RAC1: variants seen among roughly 807,000 people sequenced by gnomAD.
RAC1 encodes the protein ras-related C3 botulinum toxin substrate 1.
A neutral mutation model predicts 25.2 loss-of-function variants in RAC1; 2 were observed. The observed-to-expected ratio is 0.08, with a 90% CI of 0.03 to 0.25. RAC1 has a LOEUF of 0.25. Ranked by LOEUF, RAC1 falls within the 10% of genes least tolerant of loss-of-function variation. The pLI is 1.00. For synonymous variants in RAC1, 88 were observed against 94.0 expected (o/e 0.94, Z 0.37); for missense variants, 50 against 235.7 (o/e 0.21, Z 5.16).
chr7:6,401,721 T>A (rs1003208524), intron 4 of RAC1, 147 bp from the exon 5 acceptor site: 1 of 706,748 alleles, frequency 1.4e-6, no homozygotes, highest in Non-Finnish European at 2.4e-6. Context: ...AAGGCTTGAA[T>A]TGAAGGTGGG....
rs1783459945 is a variant in RAC1 at position 6,402,916 on chromosome 7, C to T, written c.*470C>T. 5.2e-6 allele frequency: 1 copy of T among 192,124 alleles called. No individual in the cohort carries two copies. Among genetic ancestry groups the T allele is most frequent in the African/African-American group, 2.3e-5 (1 of 43,030 alleles). 11.9% of individuals were successfully genotyped at this position (192,124 alleles called of 1,614,324 possible). On this transcript the variant is annotated 3_prime_UTR_variant, in exon 6 of 6. Coordinates refer to ENST00000348035, the MANE Select transcript of RAC1 (RefSeq NM_006908.5). ...TCTCAGATGCGTAAAGCAGAACAGC[C>T]TCCCGAATGAAGCGTTGCCATTGAA... is the stretch of plus-strand genomic sequence containing the variant.
chr7:6,384,899 G>A (rs893921486), intron 1 of RAC1, among the ~76,000 whole-genome samples: 1 of 152,074 alleles, frequency 6.6e-6, no homozygotes, highest in Non-Finnish European at 1.5e-5. Context: ...CCTCCCTCCT[G>A]GGTTCAAGTG....
chr7:6,382,056 C>G (rs1236215697), intron 1 of RAC1, among the ~76,000 whole-genome samples: 1 of 151,976 alleles, frequency 6.6e-6, no homozygotes, highest in Non-Finnish European at 1.5e-5. Flanking sequence ...TGCAGTGATG[C>G]GATCTCAGCT....
intron 3 of RAC1, among the ~76,000 whole-genome samples, chr7:6,395,593 TG>T (rs1169807419): frequency 3.3e-5 from 5 of 152,296 alleles, no homozygotes; most frequent in Admixed American, 6.5e-5. Context: ...GATTATGAGT[TG>T]TTTTTTTTAA....
At chr7:6,390,564 C>G (rs1049603351) in intron 2 of RAC1, among the ~76,000 whole-genome samples, 2 of 151,494 alleles carry the variant, frequency 1.3e-5, no homozygotes, top group Admixed American at 1.3e-4. Flanking sequence ...CGCACCACTG[C>G]ACTCCAGCCT....
chr7:6,397,053 A>G (rs1783258696), intron 3 of RAC1, among the ~76,000 whole-genome samples: 1 of 139,696 alleles, frequency 7.2e-6, no homozygotes, highest in Non-Finnish European at 1.6e-5. Context: ...AAAAAAAAAA[A>G]AGAAAAGAAA....
intron 2 of RAC1, among the ~76,000 whole-genome samples, chr7:6,389,344 GT>G (rs751864163): frequency 2.0e-5 from 3 of 151,578 alleles, no homozygotes; most frequent in Non-Finnish European, 4.4e-5. Flanking sequence ...TTATCTAACC[GT>G]TTTCATTTCC....
At chr7:6,389,581 G>A (rs1262513651) in intron 2 of RAC1, among the ~76,000 whole-genome samples, 7 of 151,996 alleles carry the variant, frequency 4.6e-5, no homozygotes, top group African/African-American at 1.7e-4. Context: ...TCGGGAGGCT[G>A]AGGCAGGAGG....
chr7:6,403,819 C>A lies in RAC1; in HGVS notation c.*1373C>A. ...TGTTCTGTACAACTTAACTCACTGG[C>A]GAGAATACAGCGTGGGACCCTTCAG... On this transcript the variant is annotated 3_prime_UTR_variant, in exon 6 of 6. Transcript: ENST00000348035. The A allele has an allele frequency of 4.6e-6, 1 of 218,582 alleles. No individual in the cohort carries two copies. The highest frequency in any genetic ancestry group is 9.2e-6 in the Non-Finnish European group (1 of 108,590). The allele number at this position is 218,582 out of a possible 1,614,324, so 13.5% of individuals were successfully genotyped here.
chr7:6,377,071 T>G (rs1379326663), intron 1 of RAC1, among the ~76,000 whole-genome samples: 3 of 152,054 alleles, frequency 2.0e-5, no homozygotes, highest in Non-Finnish European at 4.4e-5. Context: ...ATGTTGGTTA[T>G]TAACTACCTC....
intron 2 of RAC1, among the ~76,000 whole-genome samples, chr7:6,388,339 T>TCC (rs2115194762): frequency 7.0e-6 from 1 of 143,670 alleles, no homozygotes; most frequent in African/African-American, 2.5e-5. Context: ...TTGTTGTTGT[T>TCC]GTTTTCCTTT....
chr7:6,374,704 C>T lies in RAC1; in HGVS notation c.-32C>T, dbSNP rs545036179. Reference sequence around the variant, plus strand: ...CGCCGCTTCCTATCTCAGCGCCCTGCCGCCGCCGCCGCGGCCCAGCGAGCG... The same window carrying T: ...CGCCGCTTCCTATCTCAGCGCCCTGTCGCCGCCGCCGCGGCCCAGCGAGCG... On this transcript the variant is annotated 5_prime_UTR_variant, in exon 1 of 6. Coordinates refer to ENST00000348035, the MANE Select transcript of RAC1 (RefSeq NM_006908.5). 133 of 1,051,558 alleles carry T rather than the reference C, an allele frequency of 1.3e-4. No homozygotes were observed. The African/African-American group carries it at 1.9e-3, about 15-fold the overall frequency. 65.1% of individuals were successfully genotyped at this position (1,051,558 alleles called of 1,614,324 possible).
rs554650063 is a variant in RAC1, at chr7:6,380,044, A to G, written c.35+5274A>G. Among the ~76,000 whole-genome samples, 15 of 152,360 alleles carry G rather than the reference A, an allele frequency of 9.8e-5. No homozygotes were observed. In the East Asian group the frequency reaches 1.5e-3, roughly 16 times the overall value. Reference sequence around the variant, plus strand: ...TTGGGCTAGTGGCCTGTCTAGCCCAATGTCTGACTTGGACATACATTACTG... The same window carrying G: ...TTGGGCTAGTGGCCTGTCTAGCCCAGTGTCTGACTTGGACATACATTACTG... On this transcript the variant is annotated intron_variant, in intron 1 of 5. Coordinates refer to ENST00000348035, the MANE Select transcript of RAC1 (RefSeq NM_006908.5).
chr7:6,375,300 G>A (rs1434012089), intron 1 of RAC1, among the ~76,000 whole-genome samples: 1 of 151,966 alleles, frequency 6.6e-6, no homozygotes, highest in South Asian at 2.1e-4. Context: ...GTGTTGCCCA[G>A]GCCGGTCTCG....
rs559170376 is a variant in RAC1, at chr7:6,383,020, A to G, written c.36-4192A>G. Among the ~76,000 whole-genome samples, 22 of 152,390 alleles carry G rather than the reference A, an allele frequency of 1.4e-4. No individual in the cohort carries two copies. In the South Asian group the frequency reaches 3.7e-3, roughly 26 times the overall value. On this transcript the variant is annotated intron_variant, in intron 1 of 5. Transcript: ENST00000348035. ...CATGAGCTAGGGGGAAATCCAATGT[A>G]GAAATGGCATGAACTTTCTTCCAGC... is the stretch of plus-strand genomic sequence containing the variant.
chr7:6,381,028 C>T (rs1035920808), intron 1 of RAC1, among the ~76,000 whole-genome samples: 18 of 152,054 alleles, frequency 1.2e-4, no homozygotes, highest in African/African-American at 4.3e-4. Flanking sequence ...ACCACCATGC[C>T]TGGCTAATTT....
Position 6,387,155 on chromosome 7 carries a change from T to C in RAC1, c.36-57T>C, listed in dbSNP as rs1782945741. ...TCTAGAAATTATTTTAACTTAATAG[T>C]GAAAGCTAAGATTACATTCATGTTG... On this transcript the variant is annotated intron_variant, in intron 1 of 5. Coordinates refer to ENST00000348035, the MANE Select transcript of RAC1 (RefSeq NM_006908.5). 4 of 1,103,684 alleles carry C rather than the reference T, an allele frequency of 3.6e-6. No homozygotes were observed. The Admixed American group carries it at 9.2e-5, about 25-fold the overall frequency. 68.4% of individuals were successfully genotyped at this position (1,103,684 alleles called of 1,614,324 possible).
At chr7:6,380,872 T>C (rs751235262) in intron 1 of RAC1, among the ~76,000 whole-genome samples, 1 of 152,190 alleles carries the variant, frequency 6.6e-6, no homozygotes, top group Non-Finnish European at 1.5e-5. Flanking sequence ...TGTTTTGTTT[T>C]GTTTTGCTCT....
intron 2 of RAC1, among the ~76,000 whole-genome samples, chr7:6,389,551 A>G (rs1349743817): frequency 2.0e-5 from 3 of 152,026 alleles, no homozygotes; most frequent in Non-Finnish European, 4.4e-5. Context: ...ATGGTGGCAC[A>G]TGACTATAAT....
Sources: gnomAD v4.1 joint callset for allele counts (sites outside exome capture counted in the v4.1 genomes callset) on GRCh38, gnomAD v4.1.1 for gene constraint, MANE v1.5 for transcripts, NCBI Gene and HGNC (gene_info 2026-07-23, HGNC 2026-07-21) for gene names.